Variants in PTPRD observed in about 807,000 individuals in gnomAD.
PTPRD encodes the protein receptor-type tyrosine-protein phosphatase delta.
Under a neutral mutation model 214.5 loss-of-function variants are expected in PTPRD, and 34 were observed. That is an observed-to-expected ratio of 0.16 (90% CI 0.12 to 0.21). The LOEUF (loss-of-function observed/expected upper bound fraction) is 0.21. PTPRD is among the 10% of genes least tolerant of loss of function. The probability of loss-of-function intolerance (pLI) is 1.00; values close to 1 mark genes in which losing one functional copy is unlikely to be tolerated. For synonymous variants in PTPRD, 1,128 were observed against 845.7 expected (o/e 1.33, Z -5.79); for missense variants, 2,545 against 2,398.7 (o/e 1.06, Z -1.27).
intron 11 of PTPRD, among the ~76,000 whole-genome samples, chr9:8,770,013 G>A (rs1335622523): frequency 6.6e-6 from 1 of 152,168 alleles, no homozygotes; most frequent in Non-Finnish European, 1.5e-5. Context: ...AGGCACGGTG[G>A]CTCATGCCTG....
At chr9:10,298,344 G>A (rs647328) in intron 3 of PTPRD, among the ~76,000 whole-genome samples, 28,713 of 151,872 alleles carry the variant, frequency 0.19, 3,805 homozygotes, top group African/African-American at 0.35. Flanking sequence ...CTCAACAAAG[G>A]AACCTATTTG....
intron 14 of PTPRD, among the ~76,000 whole-genome samples, chr9:8,567,236 C>T (rs1284214677): frequency 6.6e-6 from 1 of 152,164 alleles, no homozygotes; most frequent in African/African-American, 2.4e-5. Flanking sequence ...GGCTTCAAGG[C>T]TGCTCTTATT....
chr9:8,453,355 G>A (rs1306666454), intron 33 of PTPRD, among the ~76,000 whole-genome samples: 2 of 151,926 alleles, frequency 1.3e-5, no homozygotes, highest in South Asian at 2.1e-4. Flanking sequence ...TAGTAGAGAT[G>A]TGGTTTCGCC....
chr9:10,147,041 T>G (rs1164773240), intron 3 of PTPRD, among the ~76,000 whole-genome samples: 5 of 152,104 alleles, frequency 3.3e-5, no homozygotes. Flanking sequence ...CGTGCCAAAA[T>G]GAGACCATTA....
At chr9:10,084,755 A>G (rs988539923) in intron 3 of PTPRD, among the ~76,000 whole-genome samples, 1 of 151,998 alleles carries the variant, frequency 6.6e-6, no homozygotes, top group African/African-American at 2.4e-5. Context: ...AACATCAGTC[A>G]TGGTTGTGTT....
At chr9:10,494,695 T>C (rs931940092) in intron 2 of PTPRD, among the ~76,000 whole-genome samples, 24 of 151,200 alleles carry the variant, frequency 1.6e-4, no homozygotes, top group African/African-American at 5.6e-4. Context: ...AATTTTCTAT[T>C]ACGGTATAAA....
intron 9 of PTPRD, among the ~76,000 whole-genome samples, chr9:9,191,851 G>A (rs1055811997): frequency 5.3e-5 from 8 of 151,988 alleles, no homozygotes; most frequent in East Asian, 1.9e-4. Context: ...ATAGTAATCA[G>A]TATTTAGGAT....
At chr9:8,557,946 G>C (rs1454439579) in intron 14 of PTPRD, among the ~76,000 whole-genome samples, 3 of 151,414 alleles carry the variant, frequency 2.0e-5, no homozygotes, top group Non-Finnish European at 4.4e-5. Flanking sequence ...TAATTTTTTT[G>C]TCTCCTTTAA....
intron 5 of PTPRD, among the ~76,000 whole-genome samples, chr9:9,924,930 C>A (rs1271258430): frequency 1.3e-5 from 2 of 152,058 alleles, no homozygotes; most frequent in East Asian, 3.8e-4. Context: ...GCATGAAATA[C>A]TAATCATCTC....
intron 14 of PTPRD, among the ~76,000 whole-genome samples, chr9:8,557,088 G>A (rs535229747): frequency 4.6e-5 from 7 of 152,158 alleles, no homozygotes; most frequent in Non-Finnish European, 4.4e-5. Context: ...AGAGGAAGGA[G>A]TGCCCATTCA....
intron 6 of PTPRD, among the ~76,000 whole-genome samples, chr9:9,741,373 G>C (rs1768884): frequency 0.5 from 75,654 of 151,736 alleles, 22,594 homozygotes; most frequent in African/African-American, 0.83. Flanking sequence ...TTTTTACAAG[G>C]AGTAGTATGT....
chr9:10,374,439 T>A (rs947927217), intron 2 of PTPRD, among the ~76,000 whole-genome samples: 5 of 152,046 alleles, frequency 3.3e-5, no homozygotes, highest in Non-Finnish European at 7.4e-5. Context: ...GAAAGGCTAA[T>A]GCAAAAAGAC....
chr9:10,127,749 T>C (rs571759209), intron 3 of PTPRD, among the ~76,000 whole-genome samples: 1 of 152,248 alleles, frequency 6.6e-6, no homozygotes, highest in East Asian at 1.9e-4. Flanking sequence ...CTGGCCTCAT[T>C]TTCTCATCTC....
chr9:10,223,861 G>T (rs2099580010), intron 3 of PTPRD, among the ~76,000 whole-genome samples: 1 of 151,134 alleles, frequency 6.6e-6, no homozygotes, highest in South Asian at 2.1e-4. Context: ...AGTGCTATAA[G>T]AAAAAAATAA....
intron 5 of PTPRD, among the ~76,000 whole-genome samples, chr9:9,822,945 T>C (rs1657424757): frequency 6.6e-6 from 1 of 152,120 alleles, no homozygotes; most frequent in African/African-American, 2.4e-5. Flanking sequence ...CTACCATTTA[T>C]TCCAGCAATC....
At chr9:9,172,995 A>G (rs1025000078) in intron 10 of PTPRD, among the ~76,000 whole-genome samples, 15 of 152,174 alleles carry the variant, frequency 9.9e-5, no homozygotes, top group Non-Finnish European at 1.5e-4. Context: ...AATGAAAGCC[A>G]AAGTTCTTAC....
At chr9:10,138,407 CAACAA>C (rs1191536971) in intron 3 of PTPRD, among the ~76,000 whole-genome samples, 1 of 151,560 alleles carries the variant, frequency 6.6e-6, no homozygotes, top group East Asian at 1.9e-4. Context: ...ACTCTAGCAA[CAACAA>C]AACAAAACAA....
chr9:10,289,712 G>C (rs2095474519), intron 3 of PTPRD, among the ~76,000 whole-genome samples: 1 of 152,126 alleles, frequency 6.6e-6, no homozygotes. Context: ...AGGAAATCTT[G>C]CCATATAATT....
intron 5 of PTPRD, among the ~76,000 whole-genome samples, chr9:9,871,614 G>A (rs536858744): frequency 6.7e-6 from 1 of 148,862 alleles, no homozygotes; most frequent in East Asian, 2.0e-4. Flanking sequence ...GAGAAGTGCA[G>A]GGGCAGAGGG....
Sources: gnomAD v4.1 joint callset for allele counts (sites outside exome capture counted in the v4.1 genomes callset) on GRCh38, gnomAD v4.1.1 for gene constraint, MANE v1.5 for transcripts, NCBI Gene and HGNC (gene_info 2026-07-23, HGNC 2026-07-21) for gene names.